The following CCDC144A variants were observed in gnomAD, a reference collection of about 807,000 sequenced individuals.
CCDC144A encodes coiled-coil domain-containing protein 144A.
CCDC144A carries 41 observed loss-of-function variants against 143.8 expected under a neutral mutation model. The observed-to-expected ratio is 0.29, with a 90% CI of 0.22 to 0.37. The LOEUF (loss-of-function observed/expected upper bound fraction) is 0.37. Among genes scored for constraint, CCDC144A ranks in the 10% least tolerant of loss-of-function variants. The probability of loss-of-function intolerance (pLI) is 1.00; values close to 1 mark genes in which losing one functional copy is unlikely to be tolerated. For synonymous variants in CCDC144A, 242 were observed against 517.9 expected, an observed-to-expected ratio of 0.47 and a Z score of 7.23; for missense variants, 637 against 1,488.8, an observed-to-expected ratio of 0.43 and a Z score of 9.41.
chr17:16,726,152 G>A (rs943117643), intron 8 of CCDC144A, among the ~76,000 whole-genome samples: 1 of 151,924 alleles, frequency 6.6e-6, no homozygotes. Flanking sequence ...GCCGAGGTGG[G>A]CGGATCACGA....
At chr17:16,674,545 G>A in the CCDC144A span, among the ~76,000 whole-genome samples, 2 of 144,438 alleles carry the variant, frequency 1.4e-5, no homozygotes, top group Admixed American at 1.4e-4. Context: ...TCGAAAGAAA[G>A]AGGAACGAAG....
chr17:16,668,291 C>T, the CCDC144A span, among the ~76,000 whole-genome samples: 2 of 152,154 alleles, frequency 1.3e-5, no homozygotes, highest in Admixed American at 1.3e-4. Flanking sequence ...ATTCTGTCTT[C>T]AGTATTTTAA....
At chr17:16,737,574 C>G (rs1914080278) in intron 12 of CCDC144A, 2 of 1,298,022 alleles carry the variant, frequency 1.5e-6, no homozygotes, top group African/African-American at 3.1e-5. Context: ...ATGGACCGAT[C>G]TCCTAAAACA....
At chr17:16,702,746 G>A (rs1597536632) in intron 2 of CCDC144A, among the ~76,000 whole-genome samples, 1 of 152,144 alleles carries the variant, frequency 6.6e-6, no homozygotes. Context: ...AGAGAGTACA[G>A]AGAGTAAATG....
At chr17:16,745,697 T>G (rs561530952) in intron 12 of CCDC144A, 11 of 1,613,808 alleles carry the variant, frequency 6.8e-6, no homozygotes, top group Non-Finnish European at 9.3e-6. Flanking sequence ...TCCTCCTGTT[T>G]CCGCCACACT....
chr17:16,761,719 G>A lies in CCDC144A; in HGVS notation c.3666+1G>A, dbSNP rs1167421593. The A allele has an allele frequency of 1.2e-6, 2 of 1,606,792 alleles. No homozygotes were observed. Among genetic ancestry groups the A allele is most frequent in the Non-Finnish European group, 1.7e-6 (2 of 1,178,486 alleles). ...AAACGAAGCCATTCTCACCTTGCAG[G>A]TTGGTTTATTTATCTGTAATGTGCT... On this transcript the variant is annotated splice_donor_variant, in intron 13 of 16. Transcript: ENST00000399273. LOFTEE classifies it high-confidence loss of function.
rs1912264146 is a variant in CCDC144A at position 16,709,477 on chromosome 17, G to A, written c.1420G>A (p.Glu474Lys). ...CTATAAAAGCCTGAAACCTAAATTAGAAAATCTGAGTTCTTTACCACCAGA... is the reference window on the plus strand; with the variant it reads ...CTATAAAAGCCTGAAACCTAAATTAAAAAATCTGAGTTCTTTACCACCAGA... ...NNYKSLKPKL[E>K]NLSSLPPDSD... Residue 474 changes from glutamate (E) to lysine (K), a missense_variant, in exon 5 of 17, where the codon GAA becomes AAA. Coordinates refer to ENST00000399273, the MANE Select transcript of CCDC144A (RefSeq NM_001382000.1). 6.2e-7 allele frequency: 1 copy of A among 1,611,568 alleles called. No homozygotes were observed. Among genetic ancestry groups the A allele is most frequent in the Non-Finnish European group, 8.5e-7 (1 of 1,179,612 alleles).
At chr17:16,760,039 C>G (rs1915288813) in intron 12 of CCDC144A, among the ~76,000 whole-genome samples, 1 of 152,200 alleles carries the variant, frequency 6.6e-6, no homozygotes, top group Non-Finnish European at 1.5e-5. Context: ...GAAGTCAGCT[C>G]GAACACCTAC....
At chr17:16,734,331 A>G (rs1194260345) in intron 11 of CCDC144A, among the ~76,000 whole-genome samples, 1 of 152,186 alleles carries the variant, frequency 6.6e-6, no homozygotes, top group Non-Finnish European at 1.5e-5. Flanking sequence ...AGCTTTTACT[A>G]TAGGGTGGTG....
chr17:16,704,884 A>G (rs1317581699), intron 2 of CCDC144A, among the ~76,000 whole-genome samples: 1 of 152,278 alleles, frequency 6.6e-6, no homozygotes, highest in South Asian at 2.1e-4. Flanking sequence ...GGAAAGCAAA[A>G]TATGTATTAG....
chr17:16,669,080 A>G, the CCDC144A span, among the ~76,000 whole-genome samples: 4 of 152,146 alleles, frequency 2.6e-5, no homozygotes, highest in Non-Finnish European at 5.9e-5. Flanking sequence ...GAGGAATATC[A>G]TAATTATCTT....
At chr17:16,711,333 G>A (rs1024563784) in intron 5 of CCDC144A, among the ~76,000 whole-genome samples, 5 of 151,790 alleles carry the variant, frequency 3.3e-5, no homozygotes, top group Non-Finnish European at 2.9e-5. Flanking sequence ...CCATGTTTGT[G>A]CCAGTCAAAT....
At chr17:16,759,180 A>G (rs956774241) in intron 12 of CCDC144A, among the ~76,000 whole-genome samples, 86 of 152,288 alleles carry the variant, frequency 5.6e-4, no homozygotes, top group African/African-American at 1.9e-3. Flanking sequence ...TTATGTCTGG[A>G]TGGCATTTGC....
At chr17:16,752,029 T>C (rs1401107984) in intron 12 of CCDC144A, among the ~76,000 whole-genome samples, 4 of 152,190 alleles carry the variant, frequency 2.6e-5, no homozygotes, top group Non-Finnish European at 5.9e-5. Context: ...GGTTACACCC[T>C]TCCTGGACAG....
chr17:16,740,374 A>G (rs1201220250), intron 12 of CCDC144A, among the ~76,000 whole-genome samples: 2 of 152,206 alleles, frequency 1.3e-5, no homozygotes, highest in Non-Finnish European at 2.9e-5. Context: ...ATGCTTTTAT[A>G]GTTCAATACA....
Position 16,690,447 on chromosome 17 carries a change from C to T in CCDC144A, c.47C>T (p.Pro16Leu). ...GEKRGGAEGS[P>L]KPAVYATRKT... The stretch of plus-strand genomic sequence containing the variant: ...AAGCGGGGAGGGGCTGAGGGGTCTC[C>T]GAAGCCGGCAGTCTACGCCACGAGG... The change falls in exon 1 of 17, where the codon CCG becomes CTG. Residue 16 changes from proline (P) to leucine (L), a missense_variant. Transcript: ENST00000399273. 1 of 1,607,868 alleles carries T rather than the reference C, an allele frequency of 6.2e-7. No homozygotes were observed. Among genetic ancestry groups the T allele is most frequent in the Non-Finnish European group, 8.5e-7 (1 of 1,176,382 alleles).
chr17:16,682,891 T>TTTG, the CCDC144A span, among the ~76,000 whole-genome samples: 2 of 77,200 alleles, frequency 2.6e-5, no homozygotes, highest in Admixed American at 1.3e-4. Flanking sequence ...CTGTTTTTTT[T>TTTG]TTTTTTTTTT....
chr17:16,709,464 G>A lies in CCDC144A; in HGVS notation c.1407G>A (p.Leu469=), dbSNP rs1912263415. Residue 469 remains leucine, a synonymous_variant, in exon 5 of 17, where the codon CTG becomes CTA. Coordinates refer to ENST00000399273, the MANE Select transcript of CCDC144A (RefSeq NM_001382000.1). ...DSGSTNNYKS[L]KPKLENLSSL... is the part of the protein sequence containing the mutation. ...GCAGTACAAACAACTATAAAAGCCT[G>A]AAACCTAAATTAGAAAATCTGAGTT... The A allele has an allele frequency of 1.2e-6, 2 of 1,611,576 alleles. No homozygotes were observed. The highest frequency in any genetic ancestry group is 1.3e-5 in the African/African-American group (1 of 74,946).
chr17:16,744,841 C>T (rs1043231054), intron 12 of CCDC144A, among the ~76,000 whole-genome samples: 3 of 152,016 alleles, frequency 2.0e-5, no homozygotes, highest in East Asian at 3.8e-4. Flanking sequence ...ACAGAATGCA[C>T]GGTTTCAGAA....
Sources: allele counts gnomAD v4.1 joint callset (sites outside exome capture counted in the v4.1 genomes callset), GRCh38; gene constraint gnomAD v4.1.1; transcripts MANE v1.5; gene names NCBI Gene and HGNC (gene_info 2026-07-23, HGNC 2026-07-21).